Variants in UBL3 observed in about 807,000 individuals in gnomAD.
UBL3 encodes the protein ubiquitin like 3.
UBL3 carries 6 observed loss-of-function variants against 18.4 expected under a neutral mutation model. The observed-to-expected ratio is 0.33, with a 90% CI of 0.18 to 0.64. UBL3 has a LOEUF of 0.64. Ranked by LOEUF, UBL3 falls within the 30% of genes least tolerant of loss-of-function variation. The pLI is 0.76. For missense variants in UBL3, 109 were observed against 142.9 expected (o/e 0.76, Z 1.21); for synonymous variants, 49 against 46.6 (o/e 1.05, Z -0.21).
At chr13:29,820,347 T>C (rs1327597615) in intron 1 of UBL3, among the ~76,000 whole-genome samples, 1 of 152,042 alleles carries the variant, frequency 6.6e-6, no homozygotes, top group African/African-American at 2.4e-5. Context: ...CAGCTAATTT[T>C]TGCATTTTTG....
At chr13:29,830,551 C>T (rs1405404800) in intron 1 of UBL3, among the ~76,000 whole-genome samples, 1 of 152,196 alleles carries the variant, frequency 6.6e-6, no homozygotes. Context: ...CAAGAAACAA[C>T]ATCTCTTCGC....
intron 1 of UBL3, among the ~76,000 whole-genome samples, chr13:29,801,391 C>T (rs2139332897): frequency 6.6e-6 from 1 of 152,306 alleles, no homozygotes; most frequent in South Asian, 2.1e-4. Flanking sequence ...TGCTCTTGGA[C>T]TGGAGAAGAA....
At chr13:29,816,419 T>A (rs1173629274) in intron 1 of UBL3, among the ~76,000 whole-genome samples, 1 of 152,106 alleles carries the variant, frequency 6.6e-6, no homozygotes, top group Non-Finnish European at 1.5e-5. Flanking sequence ...GCTGAAGTAA[T>A]CAGTTTTAAA....
intron 1 of UBL3, among the ~76,000 whole-genome samples, chr13:29,796,519 T>C (rs1877617678): frequency 6.6e-6 from 1 of 152,326 alleles, no homozygotes; most frequent in East Asian, 1.9e-4. Flanking sequence ...TGGTCAACCT[T>C]AAATTCTCAT....
intron 1 of UBL3, among the ~76,000 whole-genome samples, chr13:29,817,565 G>A (rs373054043): frequency 1.3e-5 from 2 of 152,286 alleles, no homozygotes; most frequent in Admixed American, 6.5e-5. Context: ...TATTAGAAAG[G>A]AAAGCGTTTC....
At chr13:29,838,579 T>C (rs984949629) in intron 1 of UBL3, among the ~76,000 whole-genome samples, 1 of 152,112 alleles carries the variant, frequency 6.6e-6, no homozygotes, top group Non-Finnish European at 1.5e-5. Context: ...GGCAAAAATT[T>C]ATGACAGACA....
At position 29,791,445 on chromosome 13, in the gene UBL3, T is replaced by TA. The variant is rs536688032; in HGVS notation, c.28-14183dup. On this transcript the variant is annotated intron_variant, in intron 1 of 4. Transcript: ENST00000380680. ...AGATGGTAAACTGGGACACTAAGGT[T>TA]AAGTAACTCTTAAGATCAAATATTT... 1.2e-4 allele frequency among the ~76,000 whole-genome samples: 18 copies of TA among 152,322 alleles called. 1 individual carries two copies. In the South Asian group the frequency reaches 3.7e-3, roughly 32 times the overall value.
chr13:29,846,639 T>G (rs1269581390), intron 1 of UBL3, among the ~76,000 whole-genome samples: 1 of 152,182 alleles, frequency 6.6e-6, no homozygotes, highest in African/African-American at 2.4e-5. Context: ...ATTTAGCAAT[T>G]ATTGTAGCTC....
intron 1 of UBL3, among the ~76,000 whole-genome samples, chr13:29,781,869 A>G (rs1877185480): frequency 6.7e-6 from 1 of 148,214 alleles, no homozygotes; most frequent in Non-Finnish European, 1.5e-5. Context: ...GTGGTGGCAC[A>G]TGCCTATAGT....
intron 2 of UBL3, among the ~76,000 whole-genome samples, chr13:29,773,520 G>A (rs971536882): frequency 1.3e-5 from 2 of 152,056 alleles, no homozygotes; most frequent in African/African-American, 4.8e-5. Context: ...TAGATACAAA[G>A]GTAAATGACA....
intron 1 of UBL3, 22 bp from the exon 2 acceptor site, chr13:29,777,285 T>C: frequency 1.3e-6 from 2 of 1,576,128 alleles, no homozygotes; most frequent in Admixed American, 1.8e-5. Context: ...CAATGATTCT[T>C]TTAACATAAA....
In UBL3 at chr13:29,849,854, T is replaced by A. The variant is rs954185257; in HGVS notation, c.-316A>T. 66 of 520,856 alleles carry A rather than the reference T, an allele frequency of 1.3e-4. No homozygotes were observed. Among genetic ancestry groups the A allele is most frequent in the Admixed American group, 2.9e-4 (9 of 30,594 alleles). The allele number at this position is 520,856 out of a possible 1,614,324, so 32.3% of individuals were successfully genotyped here. On this transcript the variant is annotated 5_prime_UTR_variant, in exon 1 of 5. Coordinates refer to ENST00000380680, the MANE Select transcript of UBL3 (RefSeq NM_007106.4). ...GCCGCGCCAGGTGGACCGAGCCGAG[T>A]GACACACGGACATGGAGAGGGGTGG...
chr13:29,776,317 T>C (rs553549152), intron 2 of UBL3, among the ~76,000 whole-genome samples: 52 of 145,592 alleles, frequency 3.6e-4, no homozygotes, highest in African/African-American at 1.1e-3. Context: ...GGCAGGAATG[T>C]AGTGGTGTGA....
Position 29,766,975 on chromosome 13 carries a change from G to A in UBL3, c.*280C>T. 1 of 281,240 alleles carries A rather than the reference G, an allele frequency of 3.6e-6. No homozygotes were observed. Among genetic ancestry groups the A allele is most frequent in the East Asian group, 6.5e-5 (1 of 15,448 alleles). 17.4% of individuals were successfully genotyped at this position (281,240 alleles called of 1,614,324 possible). A position where few individuals can be genotyped will look rare whatever the true frequency, so the allele number is the denominator to read the frequency against. ...CAGCAAAATGGTTTCTGCTACGAAA[G>A]ATAACTTGTTAACTTTTCCCCTGGA... is the stretch of plus-strand genomic sequence containing the variant. On this transcript the variant is annotated 3_prime_UTR_variant, in exon 5 of 5. Transcript: ENST00000380680.
chr13:29,817,079 T>G (rs1878301678), intron 1 of UBL3, among the ~76,000 whole-genome samples: 1 of 152,238 alleles, frequency 6.6e-6, no homozygotes, highest in Non-Finnish European at 1.5e-5. Context: ...CATTTTGTAC[T>G]GAGAACTGTT....
intron 1 of UBL3, among the ~76,000 whole-genome samples, chr13:29,833,696 C>CT (rs1878845154): frequency 6.6e-6 from 1 of 152,200 alleles, no homozygotes; most frequent in Non-Finnish European, 1.5e-5. Context: ...TCCCAACCCC[C>CT]TTTACTGCTT....
At chr13:29,844,394 G>C (rs756349226) in intron 1 of UBL3, among the ~76,000 whole-genome samples, 3 of 152,124 alleles carry the variant, frequency 2.0e-5, no homozygotes, top group Non-Finnish European at 2.9e-5. Flanking sequence ...ATTAGGTGCC[G>C]AGGGTATTAT....
chr13:29,825,231 C>A (rs541430649), intron 1 of UBL3, among the ~76,000 whole-genome samples: 1 of 152,268 alleles, frequency 6.6e-6, no homozygotes, highest in Admixed American at 6.5e-5. Context: ...TATTCCAATT[C>A]TGTGAAGAAA....
intron 1 of UBL3, among the ~76,000 whole-genome samples, chr13:29,806,289 C>CT: frequency 6.6e-6 from 1 of 152,196 alleles, no homozygotes; most frequent in Middle Eastern, 3.4e-3. Context: ...GAGAAAAAAC[C>CT]TTTATTACTC....
Sources: gnomAD v4.1 joint callset for allele counts (sites outside exome capture counted in the v4.1 genomes callset) on GRCh38, gnomAD v4.1.1 for gene constraint, MANE v1.5 for transcripts, NCBI Gene and HGNC (gene_info 2026-07-23, HGNC 2026-07-21) for gene names.